DENND5B: variants seen among roughly 807,000 people sequenced by gnomAD.
DENND5B encodes DENN domain containing 5B.
DENND5B carries 34 observed loss-of-function variants against 140.6 expected under a neutral mutation model. That is an observed-to-expected ratio of 0.24 (90% CI 0.18 to 0.32). The LOEUF (loss-of-function observed/expected upper bound fraction) is 0.32. DENND5B is among the 10% of genes least tolerant of loss of function. The pLI is 1.00. For synonymous variants in DENND5B, 551 were observed against 562.1 expected (o/e 0.98, Z 0.28); for missense variants, 1,142 against 1,560.2 (o/e 0.73, Z 4.52).
intron 11 of DENND5B, among the ~76,000 whole-genome samples, 155 bp from the exon 12 acceptor site, chr12:31,415,603 G>A (rs1942695595): frequency 6.6e-6 from 1 of 152,046 alleles, no homozygotes; most frequent in Admixed American, 6.6e-5. Flanking sequence ...AGAAAATAGG[G>A]TCTTGCTCTG....
intron 3 of DENND5B, among the ~76,000 whole-genome samples, chr12:31,478,193 T>C (rs1400296438): frequency 1.3e-5 from 2 of 152,208 alleles, no homozygotes; most frequent in Non-Finnish European, 2.9e-5. Flanking sequence ...GAACATTATG[T>C]TGGATAAACT....
chr12:31,535,619 A>G (rs1234474915), intron 1 of DENND5B, among the ~76,000 whole-genome samples: 1 of 152,194 alleles, frequency 6.6e-6, no homozygotes, highest in Non-Finnish European at 1.5e-5. Context: ...TAAGGCAGAC[A>G]CGGCTTAGAT....
chr12:31,480,102 C>T lies in DENND5B; in HGVS notation c.391G>A (p.Ala131Thr), dbSNP rs1291917849. Residue 131 changes from alanine to threonine, a missense_variant, in exon 3 of 21, where the codon GCA becomes ACA. By Grantham distance (58) the Ala-to-Thr change is moderately conservative. Around this residue, in one of 5 missense-constraint regions of DENND5B, gnomAD observed 708 missense variants for 905.5 expected, o/e 0.78. Transcript: ENST00000389082. ...EEVTSKQICT[A>T]MQTLYQMHNA... ...TGCATCTGGTAAAGTGTCTGCATTG[C>T]TGTGCAGATTTGCTTACTTGTAACT... The T allele has an allele frequency of 1.9e-6, 3 of 1,613,786 alleles. No individual in the cohort carries two copies. The highest frequency in any genetic ancestry group is 8.5e-7 in the Non-Finnish European group (1 of 1,179,780).
chr12:31,566,166 A>G (rs1408503994), intron 1 of DENND5B, among the ~76,000 whole-genome samples: 1 of 152,032 alleles, frequency 6.6e-6, no homozygotes, highest in Non-Finnish European at 1.5e-5. Context: ...TAAAAAATAT[A>G]ATTTGAAGCC....
At chr12:31,467,218 G>C (rs554580243) in intron 3 of DENND5B, among the ~76,000 whole-genome samples, 1 of 151,492 alleles carries the variant, frequency 6.6e-6, no homozygotes, top group African/African-American at 2.4e-5. Flanking sequence ...GACAAAATAA[G>C]ATCTAATAGA....
intron 1 of DENND5B, 95 bp downstream of exon 1, chr12:31,590,607 GCTGA>G: frequency 7.7e-7 from 1 of 1,299,634 alleles, no homozygotes; most frequent in Non-Finnish European, 9.8e-7. Context: ...GCCACCGGGA[GCTGA>G]CTTTGTCTGG....
intron 14 of DENND5B, among the ~76,000 whole-genome samples, chr12:31,407,092 GC>G (rs1942165484): frequency 6.6e-6 from 1 of 151,892 alleles, no homozygotes; most frequent in African/African-American, 2.4e-5. Flanking sequence ...GAGCCACTGT[GC>G]CTGGCCTCTT....
intron 17 of DENND5B, among the ~76,000 whole-genome samples, chr12:31,394,803 C>T (rs762269394): frequency 4.4e-4 from 67 of 151,910 alleles, no homozygotes; most frequent in Admixed American, 3.0e-3. Flanking sequence ...TTAGTAGAGA[C>T]GGGGTTTCAC....
chr12:31,401,351 T>C (rs1941786210), intron 15 of DENND5B, among the ~76,000 whole-genome samples: 1 of 152,164 alleles, frequency 6.6e-6, no homozygotes, highest in South Asian at 2.1e-4. Flanking sequence ...CCAAGGGTTT[T>C]AATATTTTAT....
At chr12:31,563,255 C>G (rs145510913) in intron 1 of DENND5B, among the ~76,000 whole-genome samples, 3 of 152,312 alleles carry the variant, frequency 2.0e-5, no homozygotes, top group Admixed American at 6.5e-5. Flanking sequence ...ATAACACAAA[C>G]AGCCCACCTT....
In DENND5B at chr12:31,423,524, T is replaced by C. The variant is rs1943115597; in HGVS notation, c.2470+73A>G. 3 of 1,483,152 alleles carry C rather than the reference T, an allele frequency of 2.0e-6. No individual in the cohort carries two copies. The East Asian group carries it at 6.9e-5, about 34-fold the overall frequency. The allele number at this position is 1,483,152 out of a possible 1,614,324, so 91.9% of individuals were successfully genotyped here. On this transcript the variant is annotated intron_variant, in intron 11 of 20. Coordinates refer to ENST00000389082, the MANE Select transcript of DENND5B (RefSeq NM_144973.4). ...AATTTTAGCTTGAGAGAGAAAGAGA[T>C]CAAGACAAGGCCAAATAGTATTGAG...
chr12:31,517,015 C>T (rs1171955705), intron 1 of DENND5B, among the ~76,000 whole-genome samples: 1 of 51,218 alleles, frequency 2.0e-5, no homozygotes, highest in Middle Eastern at 0.011. Context: ...TAGATACCTT[C>T]CCTCCTGAAT....
intron 11 of DENND5B, among the ~76,000 whole-genome samples, 190 bp from the exon 12 acceptor site, chr12:31,415,638 C>T (rs1423093561): frequency 6.6e-6 from 1 of 152,098 alleles, no homozygotes; most frequent in Non-Finnish European, 1.5e-5. Flanking sequence ...GTGCAGTTTG[C>T]AGTGGCATGA....
intron 1 of DENND5B, among the ~76,000 whole-genome samples, chr12:31,521,175 G>A (rs1210711956): frequency 1.3e-5 from 2 of 151,192 alleles, no homozygotes; most frequent in Non-Finnish European, 2.9e-5. Context: ...AATGCTAACT[G>A]AATAAAATAG....
At chr12:31,417,588 C>T (rs547827073) in intron 11 of DENND5B, among the ~76,000 whole-genome samples, 2 of 152,102 alleles carry the variant, frequency 1.3e-5, no homozygotes, top group East Asian at 1.9e-4. Context: ...ATTACAGGTG[C>T]GTGCCACCAC....
intron 2 of DENND5B, among the ~76,000 whole-genome samples, chr12:31,491,384 C>A (rs1200135608): frequency 6.6e-6 from 1 of 152,114 alleles, no homozygotes; most frequent in African/African-American, 2.4e-5. Flanking sequence ...ACACCGGAGG[C>A]AGAGGTTGTA....
intron 6 of DENND5B, chr12:31,443,849 T>C (rs1944159406): frequency 6.6e-6 from 1 of 152,200 alleles, no homozygotes; most frequent in African/African-American, 2.4e-5. Context: ...AAAAGTCATA[T>C]AAGCAGGCAT....
At chr12:31,534,784 G>A (rs992680246) in intron 1 of DENND5B, 9 of 429,592 alleles carry the variant, frequency 2.1e-5, no homozygotes, top group African/African-American at 1.9e-4. Flanking sequence ...TTGTCCTCCT[G>A]GCAATATCAA....
chr12:31,501,352 C>T (rs1444295681), intron 1 of DENND5B, among the ~76,000 whole-genome samples: 1 of 152,228 alleles, frequency 6.6e-6, no homozygotes, highest in Non-Finnish European at 1.5e-5. Flanking sequence ...TTTCCTGAGG[C>T]CTCCCCAGCC....
Sources: allele counts gnomAD v4.1 joint callset (sites outside exome capture counted in the v4.1 genomes callset), GRCh38; gene constraint gnomAD v4.1.1; regional missense constraint gnomAD v4.1.1; transcripts MANE v1.5; gene names NCBI Gene and HGNC (gene_info 2026-07-23, HGNC 2026-07-21).